The following MCPH1 variants were observed in gnomAD, a reference collection of about 807,000 sequenced individuals.
MCPH1 encodes the protein microcephalin.
In MCPH1, 104 loss-of-function variants were observed where a neutral mutation model predicts 84.5. That is an observed-to-expected ratio of 1.23 (90% CI 1.05 to 1.45). The LOEUF is 1.45. MCPH1 is among the 40% of genes most tolerant of loss of function. The pLI is 0.00. For synonymous variants in MCPH1, 514 were observed against 366.8 expected, an observed-to-expected ratio of 1.40 and a Z score of -4.58; for missense variants, 1,498 against 1,005.7, an observed-to-expected ratio of 1.49 and a Z score of -6.62.
intron 12 of MCPH1, among the ~76,000 whole-genome samples, chr8:6,533,018 C>G (rs948084754): frequency 6.6e-6 from 1 of 152,248 alleles, no homozygotes; most frequent in Non-Finnish European, 1.5e-5. Flanking sequence ...TACGGAATCA[C>G]CACTCAGTTC....
In MCPH1 at chr8:6,643,181, G is replaced by A. The variant is rs1437160325; in HGVS notation, c.*132G>A. 2 of 805,768 alleles carry A rather than the reference G, an allele frequency of 2.5e-6. No individual in the cohort carries two copies. The highest frequency in any genetic ancestry group is 4.2e-6 in the Non-Finnish European group (2 of 473,524). 49.9% of individuals were successfully genotyped at this position (805,768 alleles called of 1,614,324 possible). On this transcript the variant is annotated 3_prime_UTR_variant, in exon 14 of 14. Transcript: ENST00000344683. ...TGACTTCTGATATCATGTTTGCCAT[G>A]TGTTGTGGTTCTTAAGAACTCATAG...
At position 6,621,659 on chromosome 8, in the gene MCPH1, C is replaced by A; in HGVS notation, c.2420C>A (p.Thr807Lys). The change falls in exon 13 of 14, where the codon ACA (threonine) becomes AAA (lysine). Residue 807 changes from threonine (T) to lysine (K), a missense_variant. By Grantham distance (78) the Thr-to-Lys change is moderately conservative. Coordinates refer to ENST00000344683, the MANE Select transcript of MCPH1 (RefSeq NM_024596.5). Reference sequence around the variant, plus strand: ...CCCTACAGCGGAAAGAAGAAAGCCACAGTCAAGTATCTGTCTGAGAAATGG... The same window carrying A: ...CCCTACAGCGGAAAGAAGAAAGCCAAAGTCAAGTATCTGTCTGAGAAATGG... ...IGPYSGKKKA[T>K]VKYLSEKWVL... is the part of the protein sequence containing the mutation. 1 of 1,614,230 alleles carries A rather than the reference C, an allele frequency of 6.2e-7. No individual in the cohort carries two copies. Among genetic ancestry groups the A allele is most frequent in the Non-Finnish European group, 8.5e-7 (1 of 1,180,044 alleles).
At position 6,645,324 on chromosome 8, in the gene MCPH1, G is replaced by A. The variant is rs1170087611; in HGVS notation, c.*2275G>A. ...AGACATTACACTAAGCACATTATAT[G>A]TTGTACTTCATTTTACCCTTTCAAC... On this transcript the variant is annotated 3_prime_UTR_variant, in exon 14 of 14. Transcript: ENST00000344683. 1 of 152,080 alleles carries A rather than the reference G, an allele frequency of 6.6e-6. No individual in the cohort carries two copies. The highest frequency in any genetic ancestry group is 1.5e-5 in the Non-Finnish European group (1 of 68,034). 9.4% of individuals were successfully genotyped at this position (152,080 alleles called of 1,614,324 possible). A position where few individuals can be genotyped will look rare whatever the true frequency, so the allele number is the denominator to read the frequency against.
chr8:6,496,570 G>T (rs1310972083), intron 11 of MCPH1, among the ~76,000 whole-genome samples: 1 of 150,150 alleles, frequency 6.7e-6, no homozygotes, highest in African/African-American at 2.5e-5. Flanking sequence ...ATTCCCACAG[G>T]TATTCTTAGT....
At chr8:6,522,684 G>A (rs1413313772) in intron 12 of MCPH1, among the ~76,000 whole-genome samples, 1 of 151,214 alleles carries the variant, frequency 6.6e-6, no homozygotes, top group South Asian at 2.1e-4. Context: ...TGAGGCAGGA[G>A]AACTGCTTGA....
At chr8:6,477,321 C>G (rs1808603265) in intron 9 of MCPH1, 1 of 426,034 alleles carries the variant, frequency 2.3e-6, no homozygotes, top group Non-Finnish European at 4.2e-6. Context: ...TGCTGGCTAA[C>G]TGGTGGAACA....
chr8:6,447,172 T>C, intron 8 of MCPH1: 7 of 985,426 alleles, frequency 7.1e-6, no homozygotes, highest in Non-Finnish European at 8.4e-6. Flanking sequence ...CGAACCCTTT[T>C]ATAGTAATAA....
intron 12 of MCPH1, among the ~76,000 whole-genome samples, chr8:6,620,459 C>T (rs1173479523): frequency 6.6e-6 from 1 of 152,086 alleles, no homozygotes; most frequent in Admixed American, 6.6e-5. Flanking sequence ...TGCACCCTAC[C>T]CCTGCCTCCG....
chr8:6,618,667 A>G (rs993412775), intron 12 of MCPH1: 18 of 152,314 alleles, frequency 1.2e-4, no homozygotes, highest in Admixed American at 1.1e-3. Flanking sequence ...CATAATCTCA[A>G]TGATGAACAA....
intron 12 of MCPH1, chr8:6,519,792 T>C: frequency 1.9e-6 from 3 of 1,552,164 alleles, no homozygotes; most frequent in South Asian, 2.4e-5. Flanking sequence ...AGACTTCTGC[T>C]CTCTGGTTCC....
intron 12 of MCPH1, among the ~76,000 whole-genome samples, chr8:6,548,681 A>G (rs745884481): frequency 4.6e-5 from 7 of 152,200 alleles, no homozygotes; most frequent in Non-Finnish European, 8.8e-5. Flanking sequence ...GAAAAAAGGA[A>G]GAAAAGTCCT....
At chr8:6,487,306 A>G (rs1199522877) in intron 11 of MCPH1, among the ~76,000 whole-genome samples, 3 of 152,240 alleles carry the variant, frequency 2.0e-5, no homozygotes, top group Admixed American at 6.5e-5. Context: ...CTTAGTAAGC[A>G]GTGAGTCAGA....
chr8:6,406,784 C>T, intron 1 of MCPH1, 95 bp downstream of exon 1: 1 of 1,372,092 alleles, frequency 7.3e-7, no homozygotes, highest in Non-Finnish European at 1.0e-6. Context: ...GGGAGGAGCC[C>T]CGCTCGCCCC....
At chr8:6,485,668 G>T (rs764712626) in intron 11 of MCPH1, among the ~76,000 whole-genome samples, 4 of 151,968 alleles carry the variant, frequency 2.6e-5, no homozygotes, top group Non-Finnish European at 5.9e-5. Flanking sequence ...TGATGATGTC[G>T]CTATTTGTTA....
At chr8:6,431,718 T>C in intron 4 of MCPH1, 132 bp downstream of exon 4, 1 of 629,894 alleles carries the variant, frequency 1.6e-6, no homozygotes, top group Non-Finnish European at 2.8e-6. Flanking sequence ...GATATTGTTC[T>C]TTTCACATAG....
At chr8:6,503,084 C>A (rs775100583) in intron 12 of MCPH1, 1 of 1,613,846 alleles carries the variant, frequency 6.2e-7, no homozygotes, top group African/African-American at 1.3e-5. Context: ...GACAGTTCCT[C>A]AGGTGGACTG....
At chr8:6,601,081 C>T (rs1563173166) in intron 12 of MCPH1, among the ~76,000 whole-genome samples, 1 of 152,080 alleles carries the variant, frequency 6.6e-6, no homozygotes, top group Non-Finnish European at 1.5e-5. Context: ...GCCCTGCAGC[C>T]AGCACCTGGA....
chr8:6,406,761 C>T, intron 1 of MCPH1, 72 bp downstream of exon 1: 4 of 1,548,624 alleles, frequency 2.6e-6, no homozygotes, highest in African/African-American at 1.4e-5. Flanking sequence ...CGGGCGCACT[C>T]GGGGGATCCC....
At chr8:6,620,679 A>G (rs982502625) in intron 12 of MCPH1, among the ~76,000 whole-genome samples, 3 of 152,232 alleles carry the variant, frequency 2.0e-5, no homozygotes, top group African/African-American at 7.2e-5. Flanking sequence ...AACCCATAGC[A>G]TCTCGCAGGG....
Sources: gnomAD v4.1 joint callset for allele counts (sites outside exome capture counted in the v4.1 genomes callset) on GRCh38, gnomAD v4.1.1 for gene constraint, MANE v1.5 for transcripts, NCBI Gene and HGNC (gene_info 2026-07-23, HGNC 2026-07-21) for gene names.